The following SMYD3 variants were observed in gnomAD, a reference collection of about 807,000 sequenced individuals.
SMYD3 encodes histone-lysine N-methyltransferase SMYD3.
Under a neutral mutation model 57.7 loss-of-function variants are expected in SMYD3, and 36 were observed. That is an observed-to-expected ratio of 0.62 (90% CI 0.48 to 0.82). The LOEUF is 0.82. SMYD3 is among the 40% of genes least tolerant of loss of function. The probability of loss-of-function intolerance (pLI) is 0.00; values close to 1 mark genes in which losing one functional copy is unlikely to be tolerated. For synonymous variants in SMYD3, 211 were observed against 195.0 expected (o/e 1.08, Z -0.68); for missense variants, 515 against 538.8 (o/e 0.96, Z 0.44).
intron 5 of SMYD3, among the ~76,000 whole-genome samples, chr1:245,956,670 C>G (rs7554359): frequency 0.21 from 31,338 of 152,034 alleles, 3,885 homozygotes; most frequent in East Asian, 0.41. Flanking sequence ...TCCTCCTCCT[C>G]CTGTACTACT....
At chr1:246,027,315 T>G (rs758976982) in intron 5 of SMYD3, among the ~76,000 whole-genome samples, 10 of 152,208 alleles carry the variant, frequency 6.6e-5, no homozygotes, top group Admixed American at 1.3e-4. Context: ...AAGCAGACTT[T>G]CAGTGTAGAT....
intron 1 of SMYD3, among the ~76,000 whole-genome samples, chr1:246,380,334 A>C (rs1033385921): frequency 6.6e-6 from 1 of 152,212 alleles, no homozygotes; most frequent in Non-Finnish European, 1.5e-5. Context: ...ATTTATAATA[A>C]TCCTCAGAAA....
At chr1:245,912,802 C>T (rs891772650) in intron 8 of SMYD3, among the ~76,000 whole-genome samples, 2 of 152,154 alleles carry the variant, frequency 1.3e-5, no homozygotes, top group African/African-American at 2.4e-5. Context: ...TGGATATCCA[C>T]GTGCAGAAGA....
At chr1:245,979,698 T>C (rs2058549008) in intron 5 of SMYD3, among the ~76,000 whole-genome samples, 1 of 152,158 alleles carries the variant, frequency 6.6e-6, no homozygotes, top group African/African-American at 2.4e-5. Flanking sequence ...TGTTTTAAGC[T>C]ACCCTGTTTG....
At chr1:246,219,323 G>T (rs568198872) in intron 5 of SMYD3, among the ~76,000 whole-genome samples, 3 of 152,064 alleles carry the variant, frequency 2.0e-5, no homozygotes, top group Non-Finnish European at 4.4e-5. Flanking sequence ...GCTGGATGTC[G>T]GAGAGAAGCA....
intron 10 of SMYD3, among the ~76,000 whole-genome samples, chr1:245,814,591 C>A (rs1233586820): frequency 1.3e-5 from 2 of 152,168 alleles, no homozygotes; most frequent in Non-Finnish European, 2.9e-5. Context: ...TTTATTTAAA[C>A]AACATCTTGA....
At chr1:246,353,710 G>A (rs1213790715) in intron 2 of SMYD3, among the ~76,000 whole-genome samples, 1 of 152,160 alleles carries the variant, frequency 6.6e-6, no homozygotes, top group Non-Finnish European at 1.5e-5. Context: ...TGGCAAGTTG[G>A]CTGTCTCTCT....
At chr1:246,427,992 G>A (rs2067246377) in intron 1 of SMYD3, among the ~76,000 whole-genome samples, 2 of 152,166 alleles carry the variant, frequency 1.3e-5, no homozygotes, top group South Asian at 2.1e-4. Context: ...CTACATGACT[G>A]AAAGTAACTG....
chr1:245,871,086 C>A, intron 8 of SMYD3, among the ~76,000 whole-genome samples: 1 of 152,198 alleles, frequency 6.6e-6, no homozygotes, highest in East Asian at 1.9e-4. Flanking sequence ...TGAACACTTA[C>A]AAACTTTTCC....
At chr1:246,496,910 A>G (rs2068373197) in intron 1 of SMYD3, among the ~76,000 whole-genome samples, 1 of 152,246 alleles carries the variant, frequency 6.6e-6, no homozygotes, top group Admixed American at 6.5e-5. Flanking sequence ...GGCCGTGTAT[A>G]AAACAGTAAA....
rs996622253 is a variant in SMYD3 at position 246,203,030 on chromosome 1, C to T, written c.531+124171G>A. On this transcript the variant is annotated intron_variant, in intron 5 of 11. Transcript: ENST00000490107. The surrounding 1 kb of genome is among the most constrained non-coding windows in gnomAD (Gnocchi z 4.6). Reference sequence around the variant, plus strand: ...ATCCCAGCTACTCAGGAGGCTGAGACAGGAGAATCACTTCAACCTGGGAGG... The same window carrying T: ...ATCCCAGCTACTCAGGAGGCTGAGATAGGAGAATCACTTCAACCTGGGAGG... 6.6e-6 allele frequency among the ~76,000 whole-genome samples: 1 copy of T among 152,134 alleles called. No individual in the cohort carries two copies. The highest frequency in any genetic ancestry group is 2.4e-5 in the African/African-American group (1 of 41,434).
intron 5 of SMYD3, among the ~76,000 whole-genome samples, chr1:246,276,075 C>T (rs1201336137): frequency 8.3e-6 from 1 of 120,948 alleles, no homozygotes; most frequent in African/African-American, 2.9e-5. Context: ...GTAGTGGAGT[C>T]TGATGCCCAA....
intron 1 of SMYD3, among the ~76,000 whole-genome samples, chr1:246,377,252 G>T (rs2066294492): frequency 6.6e-6 from 1 of 150,678 alleles, no homozygotes; most frequent in South Asian, 2.2e-4. Context: ...TTAATGTCTG[G>T]CTTAATAGAA....
At chr1:246,134,021 C>T (rs185308754) in intron 5 of SMYD3, among the ~76,000 whole-genome samples, 2 of 152,244 alleles carry the variant, frequency 1.3e-5, no homozygotes, top group African/African-American at 4.8e-5. Context: ...GAACCTATTT[C>T]CATGCACAGG....
At chr1:246,097,337 G>A (rs946383052) in intron 5 of SMYD3, among the ~76,000 whole-genome samples, 3 of 152,090 alleles carry the variant, frequency 2.0e-5, no homozygotes, top group East Asian at 1.9e-4. Flanking sequence ...GAATTCAACC[G>A]TCTGAAGGGA....
At chr1:246,065,775 C>A (rs894716853) in intron 5 of SMYD3, among the ~76,000 whole-genome samples, 1 of 152,168 alleles carries the variant, frequency 6.6e-6, no homozygotes, top group African/African-American at 2.4e-5. Context: ...GACAGACATT[C>A]CTTGACAACC....
intron 5 of SMYD3, among the ~76,000 whole-genome samples, chr1:246,089,799 A>G (rs1270599821): frequency 6.6e-6 from 1 of 152,160 alleles, no homozygotes; most frequent in African/African-American, 2.4e-5. Context: ...CCCAAATGCC[A>G]GCCACTCACA....
chr1:246,057,917 C>T (rs534763225), intron 5 of SMYD3, among the ~76,000 whole-genome samples: 56 of 152,218 alleles, frequency 3.7e-4, no homozygotes, highest in African/African-American at 1.0e-3. Context: ...AATTATTTAG[C>T]ACTAAAAGTA....
At chr1:245,958,776 AGAAGAACT>A (rs1442580301) in intron 5 of SMYD3, among the ~76,000 whole-genome samples, 1 of 152,238 alleles carries the variant, frequency 6.6e-6, no homozygotes. Context: ...GACCCCAAAT[AGAAGAACT>A]GGGACAGAAA....
Sources: allele counts gnomAD v4.1 joint callset (sites outside exome capture counted in the v4.1 genomes callset), GRCh38; gene constraint gnomAD v4.1.1; non-coding constraint Gnocchi (gnomAD v3.1); transcripts MANE v1.5; gene names NCBI Gene and HGNC (gene_info 2026-07-23, HGNC 2026-07-21).